CD226: variants seen among roughly 807,000 people sequenced by gnomAD.
The protein encoded by CD226 is CD226 molecule.
A neutral mutation model predicts 34.9 loss-of-function variants in CD226; 24 were observed. The ratio of observed to expected loss-of-function variants is 0.69; its 90% CI spans 0.50 to 0.97. The LOEUF is 0.97. Ranked by LOEUF, CD226 falls within the 50% of genes least tolerant of loss-of-function variation. The probability of loss-of-function intolerance (pLI) is 0.00; values close to 1 mark genes in which losing one functional copy is unlikely to be tolerated. For missense variants in CD226, 397 were observed against 412.7 expected (o/e 0.96, Z 0.33); for synonymous variants, 148 against 147.4 (o/e 1.00, Z -0.03).
intron 3 of CD226, among the ~76,000 whole-genome samples, chr18:69,893,451 T>C (rs549473403): frequency 2.0e-5 from 3 of 152,194 alleles, no homozygotes; most frequent in East Asian, 1.9e-4. Flanking sequence ...ATTTTCTCTA[T>C]AATTTAAGAT....
At chr18:69,952,089 C>G (rs553028576), upstream of CD226, among the ~76,000 whole-genome samples, 1 of 152,158 alleles carries the variant, frequency 6.6e-6, no homozygotes, top group Non-Finnish European at 1.5e-5. Flanking sequence ...GAATACTACA[C>G]AGCCCTAAAA....
intron 2 of CD226, among the ~76,000 whole-genome samples, chr18:69,919,214 T>C (rs1416746297): frequency 6.6e-6 from 1 of 152,194 alleles, no homozygotes; most frequent in East Asian, 1.9e-4. Context: ...TGCCACTTCG[T>C]TTCTCAAGGA....
At chr18:69,866,957 C>T (rs1424031208) in intron 5 of CD226, among the ~76,000 whole-genome samples, 5 of 152,122 alleles carry the variant, frequency 3.3e-5, no homozygotes, top group African/African-American at 4.8e-5. Flanking sequence ...TCTCATCCCA[C>T]GAAGAAACCA....
intron 2 of CD226, among the ~76,000 whole-genome samples, chr18:69,919,876 CTTTTTTT>C (rs113345493): frequency 6.4e-5 from 9 of 140,616 alleles, no homozygotes; most frequent in African/African-American, 1.8e-4. Context: ...TGTTGTCACT[CTTTTTTT>C]TTTTTTTTTC....
At chr18:69,900,323 C>A (rs111696211) in intron 2 of CD226, among the ~76,000 whole-genome samples, 11,353 of 147,052 alleles carry the variant, frequency 0.077, 1,359 homozygotes, top group African/African-American at 0.27. Context: ...AAAGAGAACT[C>A]TTAGTTACTG....
intron 1 of CD226, among the ~76,000 whole-genome samples, chr18:69,954,389 T>C (rs551031552): frequency 7.2e-5 from 11 of 152,354 alleles, no homozygotes; most frequent in African/African-American, 2.4e-4. Context: ...CATTATGTGC[T>C]TATTAAACAA....
chr18:69,889,046 A>T (rs552000761), intron 3 of CD226, among the ~76,000 whole-genome samples: 4 of 152,270 alleles, frequency 2.6e-5, no homozygotes, highest in African/African-American at 9.6e-5. Flanking sequence ...AATGCAATAG[A>T]TCATTAAAAA....
chr18:69,917,899 C>T (rs2055405219), intron 2 of CD226, among the ~76,000 whole-genome samples: 1 of 152,122 alleles, frequency 6.6e-6, no homozygotes, highest in Admixed American at 6.5e-5. Context: ...TTTGAATTCA[C>T]TCCAAAGAGG....
At chr18:69,920,994 A>G (rs1182558001) in intron 2 of CD226, among the ~76,000 whole-genome samples, 1 of 152,164 alleles carries the variant, frequency 6.6e-6, no homozygotes, top group East Asian at 1.9e-4. Context: ...TCTTTTTCCC[A>G]TCTGCAGGTC....
intron 2 of CD226, among the ~76,000 whole-genome samples, chr18:69,911,592 G>A (rs572021432): frequency 5.3e-5 from 8 of 152,140 alleles, no homozygotes; most frequent in African/African-American, 1.4e-4. Flanking sequence ...TCACACACAC[G>A]GGAATGCTAA....
intron 5 of CD226, 101 bp from the exon 6 acceptor site, chr18:69,864,540 G>A: frequency 8.9e-7 from 1 of 1,118,912 alleles, no homozygotes; most frequent in Non-Finnish European, 1.3e-6. Flanking sequence ...CATGATATGG[G>A]ACAAGTTTCC....
intron 1 of CD226, 82 bp downstream of exon 1, chr18:69,947,279 A>T: frequency 1.0e-6 from 1 of 978,654 alleles, no homozygotes; most frequent in Non-Finnish European, 1.6e-6. Flanking sequence ...ACTAAAGAGC[A>T]CTGTAAATTC....
At chr18:69,926,390 T>A (rs887945032) in intron 2 of CD226, among the ~76,000 whole-genome samples, 3 of 152,086 alleles carry the variant, frequency 2.0e-5, no homozygotes, top group African/African-American at 7.2e-5. Flanking sequence ...TCCATCCAAC[T>A]TGAACAATGA....
rs374745572 is a variant in CD226, at chr18:69,906,194, CAG to C, written c.383-10151_383-10150del. On this transcript the variant is annotated intron_variant, in intron 2 of 5. Coordinates refer to ENST00000582621, the MANE Select transcript of CD226 (RefSeq NM_001303618.2). ...ATGTTAGAAATGGGAAACCAAGAAA[CAG>C]TACCTGCACACCCTCACAATGTACT... 2.9e-4 allele frequency among the ~76,000 whole-genome samples: 44 copies of C among 152,182 alleles called. 1 individual carries two copies. The highest frequency in any genetic ancestry group is 1.1e-3 in the African/African-American group (44 of 41,508).
chr18:69,864,261 C>G lies in CD226; in HGVS notation c.*53G>C. 1 of 1,579,234 alleles carries G rather than the reference C, an allele frequency of 6.3e-7. No individual in the cohort carries two copies. The highest frequency in any genetic ancestry group is 8.7e-7 in the Non-Finnish European group (1 of 1,154,786). ...TAGTGGAAAAAAATTGCATAAAGAT[C>G]CATGCATGAGTACATAAGAGTCATT... On this transcript the variant is annotated 3_prime_UTR_variant, in exon 6 of 6. Transcript: ENST00000582621.
chr18:69,955,705 T>C (rs1365571959), intron 1 of CD226, among the ~76,000 whole-genome samples: 1 of 151,576 alleles, frequency 6.6e-6, no homozygotes, highest in African/African-American at 2.4e-5. Flanking sequence ...CTGCTAAAAA[T>C]ACAAAAAATT....
intron 3 of CD226, among the ~76,000 whole-genome samples, chr18:69,878,300 A>G (rs77133765): frequency 0.089 from 13,536 of 152,260 alleles, 706 homozygotes; most frequent in East Asian, 0.21. Flanking sequence ...CTTACATCAC[A>G]GAAGATAAAT....
At chr18:69,894,415 G>A (rs1598980584) in intron 3 of CD226, among the ~76,000 whole-genome samples, 1 of 134 alleles carries the variant, frequency 7.5e-3, no homozygotes, top group Non-Finnish European at 0.017. Context: ...AGGAAGGAAG[G>A]AAGGAAGGGA....
chr18:69,897,673 AAAAGAAAAAAGGAGGGAG>A (rs1306335607), intron 2 of CD226, among the ~76,000 whole-genome samples: 6 of 152,218 alleles, frequency 3.9e-5, no homozygotes, highest in Non-Finnish European at 8.8e-5. Flanking sequence ...AGAAGAGAGA[AAAAGAAAAAAGGAGGGAG>A]GAAGAAAAAA....
Sources: allele counts gnomAD v4.1 joint callset (sites outside exome capture counted in the v4.1 genomes callset), GRCh38; gene constraint gnomAD v4.1.1; transcripts MANE v1.5; gene names NCBI Gene and HGNC (gene_info 2026-07-23, HGNC 2026-07-21).